The following SCN11A variants were observed in gnomAD, a reference collection of about 807,000 sequenced individuals.
SCN11A encodes sodium voltage-gated channel alpha subunit 11.
Under a neutral mutation model 162.2 loss-of-function variants are expected in SCN11A, and 122 were observed. The observed-to-expected ratio is 0.75, with a 90% CI of 0.65 to 0.87. SCN11A has a LOEUF of 0.87. SCN11A is among the 40% of genes least tolerant of loss of function. The pLI is 0.00. For missense variants in SCN11A, 2,015 were observed against 2,181.6 expected, an observed-to-expected ratio of 0.92 and a Z score of 1.52; for synonymous variants, 758 against 751.5, an observed-to-expected ratio of 1.01 and a Z score of -0.14.
intron 19 of SCN11A, among the ~76,000 whole-genome samples, chr3:38,889,095 A>AT (rs1241274988): frequency 1.3e-5 from 2 of 152,160 alleles, no homozygotes; most frequent in African/African-American, 2.4e-5. Flanking sequence ...ATCTTTTTAA[A>AT]TGCTTACATT....
chr3:38,945,266 AT>A (rs1219280499), intron 7 of SCN11A, 144 bp downstream of exon 7: 5 of 569,330 alleles, frequency 8.8e-6, no homozygotes, highest in East Asian at 5.9e-5. Flanking sequence ...TTGTAAAAAA[AT>A]AAAGGTCAAA....
At chr3:38,913,142 G>T (rs566672973) in intron 11 of SCN11A, among the ~76,000 whole-genome samples, 2 of 152,002 alleles carry the variant, frequency 1.3e-5, no homozygotes, top group African/African-American at 4.8e-5. Flanking sequence ...CATTGCCAGC[G>T]TCTGTTATTT....
chr3:38,875,469 C>A (rs2065193251), intron 23 of SCN11A, among the ~76,000 whole-genome samples: 1 of 151,924 alleles, frequency 6.6e-6, no homozygotes, highest in African/African-American at 2.4e-5. Flanking sequence ...TAGAGTCATC[C>A]AAAAAACTCC....
intron 27 of SCN11A, among the ~76,000 whole-genome samples, chr3:38,866,674 C>T (rs2065046098): frequency 6.6e-6 from 1 of 152,082 alleles, no homozygotes; most frequent in Non-Finnish European, 1.5e-5. Context: ...TCATAAGAGG[C>T]ATGGTCTAAA....
intron 1 of SCN11A, among the ~76,000 whole-genome samples, chr3:39,048,596 C>T (rs2032241151): frequency 6.6e-6 from 1 of 152,020 alleles, no homozygotes; most frequent in Non-Finnish European, 1.5e-5. Flanking sequence ...TATATATGTA[C>T]AATTATTATG....
chr3:39,005,059 G>A (rs1001416982), intron 2 of SCN11A, among the ~76,000 whole-genome samples: 4 of 152,230 alleles, frequency 2.6e-5, no homozygotes, highest in African/African-American at 4.8e-5. Flanking sequence ...CAAGGGGTAC[G>A]TGACAGGGGC....
At chr3:39,037,447 T>C (rs998254410) in intron 1 of SCN11A, among the ~76,000 whole-genome samples, 5 of 152,142 alleles carry the variant, frequency 3.3e-5, no homozygotes, top group Non-Finnish European at 7.4e-5. Flanking sequence ...CATTTATAAT[T>C]TGTTGTATGT....
At chr3:38,867,247 C>A (rs574117630) in intron 27 of SCN11A, 74 bp downstream of exon 27, 1 of 1,418,250 alleles carries the variant, frequency 7.1e-7, no homozygotes, top group African/African-American at 1.4e-5. Context: ...ACATTCTAGG[C>A]CAGAATTATG....
rs10578149 is a variant in SCN11A, at chr3:38,981,537, T to TTGTGTGTGTGTG, written c.-279-21126_-279-21115dup. On this transcript the variant is annotated intron_variant, in intron 2 of 29. Transcript: ENST00000302328. The stretch of plus-strand genomic sequence containing the variant: ...GTGTTTCTGTGTTGTGTGTGTGTGT[T>TTGTGTGTGTGTG]TGTGTGTGTGTGTGTGTGTGTGTGT... Among the ~76,000 whole-genome samples the TTGTGTGTGTGTG allele has an allele frequency of 7.0e-3, 1,025 of 145,958 alleles. 12 individuals carry two copies. Among genetic ancestry groups the TTGTGTGTGTGTG allele is most frequent in the African/African-American group, 0.024 (966 of 39,848 alleles).
chr3:38,906,194 C>G (rs2065789756), intron 14 of SCN11A, among the ~76,000 whole-genome samples: 1 of 152,194 alleles, frequency 6.6e-6, no homozygotes, highest in Admixed American at 6.5e-5. Flanking sequence ...CTTCTACCTA[C>G]TACATCTCCC....
At chr3:38,916,589 G>A (rs1395745667) in intron 11 of SCN11A, among the ~76,000 whole-genome samples, 2 of 152,136 alleles carry the variant, frequency 1.3e-5, no homozygotes, top group African/African-American at 4.8e-5. Context: ...GCACTGATGA[G>A]CTATCACGTC....
chr3:39,027,682 T>G (rs1278378385), intron 2 of SCN11A, among the ~76,000 whole-genome samples: 1 of 152,182 alleles, frequency 6.6e-6, no homozygotes, highest in African/African-American at 2.4e-5. Context: ...CATTCACAGC[T>G]GCTATTTCAG....
intron 2 of SCN11A, among the ~76,000 whole-genome samples, chr3:39,031,439 T>C (rs1367862336): frequency 1.3e-5 from 2 of 151,550 alleles, no homozygotes; most frequent in Admixed American, 1.3e-4. Context: ...GGCAGGAGAA[T>C]AGCTTGAACC....
chr3:38,935,653 T>C (rs2066319064), intron 7 of SCN11A, among the ~76,000 whole-genome samples: 1 of 152,078 alleles, frequency 6.6e-6, no homozygotes, highest in African/African-American at 2.4e-5. Context: ...CCTCGACACA[T>C]ACACCCTCCC....
intron 2 of SCN11A, among the ~76,000 whole-genome samples, chr3:38,967,940 C>A (rs1171021950): frequency 6.6e-6 from 1 of 152,190 alleles, no homozygotes; most frequent in African/African-American, 2.4e-5. Context: ...CACTCTGCTT[C>A]CAATTCTAAT....
rs532200104 is a variant in SCN11A at position 38,899,332 on chromosome 3, T to C, written c.2022+562A>G. On this transcript the variant is annotated intron_variant, in intron 17 of 29. Coordinates refer to ENST00000302328, the MANE Select transcript of SCN11A (RefSeq NM_001349253.2). ...TTGTGCCTTCCCTCATGTCAGTTTATATTAGGTACTTTGTAAAGGTTTCCA... is the reference window on the plus strand; with the variant it reads ...TTGTGCCTTCCCTCATGTCAGTTTACATTAGGTACTTTGTAAAGGTTTCCA... Among the ~76,000 whole-genome samples, 3 of 152,304 alleles carry C rather than the reference T, an allele frequency of 2.0e-5. No individual in the cohort carries two copies. The South Asian group carries it at 6.2e-4, about 32-fold the overall frequency.
rs760141393 is a variant in SCN11A, at chr3:38,900,044, C to T, written c.1872G>A (p.Met624Ile). ...GATCGAGCGCAATGATTTTTAGGCA[C>T]ATTTCTGCTATAAAAATGCTAGTGA... ...LVFTSIFIAE[M>I]CLKIIALDPY... The change falls in exon 17 of 30, where the codon ATG becomes ATA. Residue 624 changes from methionine to isoleucine, a missense_variant. Met to Ile is a conservative substitution (Grantham distance 10). Transcript: ENST00000302328. 1.2e-6 allele frequency: 2 copies of T among 1,614,008 alleles called. No individual in the cohort carries two copies. Among genetic ancestry groups the T allele is most frequent in the East Asian group, 2.2e-5 (1 of 44,860 alleles).
At chr3:38,912,941 C>G (rs1258563048) in intron 11 of SCN11A, among the ~76,000 whole-genome samples, 3 of 152,172 alleles carry the variant, frequency 2.0e-5, no homozygotes, top group Admixed American at 6.5e-5. Flanking sequence ...AATGAACATG[C>G]ATGTGTGTGT....
At chr3:39,044,319 G>A (rs2125618009) in intron 1 of SCN11A, among the ~76,000 whole-genome samples, 1 of 152,168 alleles carries the variant, frequency 6.6e-6, no homozygotes, top group Middle Eastern at 3.4e-3. Flanking sequence ...TAGACCAAAT[G>A]GACCTAACAG....
Sources: allele counts gnomAD v4.1 joint callset (sites outside exome capture counted in the v4.1 genomes callset), GRCh38; gene constraint gnomAD v4.1.1; transcripts MANE v1.5; gene names NCBI Gene and HGNC (gene_info 2026-07-23, HGNC 2026-07-21).